TRIM66: variants seen among roughly 807,000 people sequenced by gnomAD.
The protein encoded by TRIM66 is tripartite motif containing 66.
Under a neutral mutation model 148.2 loss-of-function variants are expected in TRIM66, and 99 were observed. The observed-to-expected ratio is 0.67, with a 90% CI of 0.57 to 0.79. The LOEUF is 0.79. Among genes scored for constraint, TRIM66 ranks in the 30% least tolerant of loss-of-function variants. The pLI, the probability that TRIM66 is intolerant of heterozygous loss-of-function variation, is 0.00. For synonymous variants in TRIM66, 616 were observed against 635.9 expected, an observed-to-expected ratio of 0.97 and a Z score of 0.47; for missense variants, 1,666 against 1,697.9, an observed-to-expected ratio of 0.98 and a Z score of 0.33.
chr11:8,671,283 T>C (rs1332630614), intron 6 of TRIM66, among the ~76,000 whole-genome samples: 1 of 152,226 alleles, frequency 6.6e-6, no homozygotes, highest in Non-Finnish European at 1.5e-5. Flanking sequence ...CCGGTTCCCG[T>C]CTCCAGTGAC....
intron 14 of TRIM66, among the ~76,000 whole-genome samples, chr11:8,639,190 T>A (rs764492212): frequency 1.3e-5 from 2 of 152,210 alleles, no homozygotes; most frequent in Non-Finnish European, 2.9e-5. Flanking sequence ...GGGGAAGACA[T>A]TGAAGCATGA....
chr11:8,636,540 A>T (rs2035896444), intron 15 of TRIM66, among the ~76,000 whole-genome samples: 1 of 152,016 alleles, frequency 6.6e-6, no homozygotes, highest in East Asian at 1.9e-4. Flanking sequence ...CAGTGGGTCA[A>T]GACAGATCCA....
At chr11:8,622,744 G>T in intron 18 of TRIM66, 72 bp downstream of exon 18, 1 of 1,372,186 alleles carries the variant, frequency 7.3e-7, no homozygotes, top group Non-Finnish European at 1.0e-6. Context: ...CATCAAGGAT[G>T]CTTCATCCCT....
chr11:8,612,270 C>G lies in TRIM66; in HGVS notation c.*5674G>C, dbSNP rs1565454900. ...AGCACCAGCTGATAAGAACTTTCCC[C>G]AAAGCAGCTCTGTTTGGCTTGTGAG... On this transcript the variant is annotated 3_prime_UTR_variant, in exon 25 of 25. Coordinates refer to ENST00000646038, the MANE Select transcript of TRIM66 (RefSeq NM_001388022.1). 6.6e-6 allele frequency: 1 copy of G among 152,214 alleles called. No homozygotes were observed. Among genetic ancestry groups the G allele is most frequent in the Non-Finnish European group, 1.5e-5 (1 of 68,098 alleles). 9.4% of individuals were successfully genotyped at this position (152,214 alleles called of 1,614,324 possible).
intron 12 of TRIM66, among the ~76,000 whole-genome samples, chr11:8,643,353 T>A (rs78181507): frequency 1.3e-5 from 2 of 148,602 alleles, no homozygotes; most frequent in Non-Finnish European, 3.0e-5. Context: ...TTTTTTTTTT[T>A]AATTGAGACG....
rs770091818 is a variant in TRIM66, at chr11:8,671,921, A to G, written c.205T>C (p.Ser69Pro). 10 of 1,536,042 alleles carry G rather than the reference A, an allele frequency of 6.5e-6. No individual in the cohort carries two copies. In the South Asian group the frequency reaches 1.2e-4, roughly 18 times the overall value. Residue 69 changes from serine (S) to proline (P), a missense_variant, in exon 6 of 25, where the codon TCA becomes CCA. Physicochemically the swap from Ser to Pro is moderately conservative, Grantham distance 74 (BLOSUM62 -1). Coordinates refer to ENST00000646038, the MANE Select transcript of TRIM66 (RefSeq NM_001388022.1). ...CCTGGCAGGTCCTGATGGCACAATG[A>G]GCAGGTCATTACCATGGCCTCCATC... ...GQMEAMVMTC[S>P]LCHQDLPGMG...
At chr11:8,633,803 C>T (rs550859078) in intron 15 of TRIM66, among the ~76,000 whole-genome samples, 1 of 152,268 alleles carries the variant, frequency 6.6e-6, no homozygotes, top group African/African-American at 2.4e-5. Context: ...CATTGTCCAG[C>T]TTTGGGTTTT....
At chr11:8,656,018 T>C (rs1313781894) in intron 6 of TRIM66, among the ~76,000 whole-genome samples, 2 of 152,176 alleles carry the variant, frequency 1.3e-5, no homozygotes, top group Admixed American at 1.3e-4. Flanking sequence ...CCAGGGAGGC[T>C]GCGGGCCCCA....
chr11:8,622,651 C>T lies in TRIM66; in HGVS notation c.3080+165G>A, dbSNP rs552010258. ...TGGTGCAGGAGCCAGGACATCCTCC[C>T]ACAACCATCCCAGACATCCACTTGA... is the stretch of plus-strand genomic sequence containing the variant. On this transcript the variant is annotated intron_variant, in intron 18 of 24. Coordinates refer to ENST00000646038, the MANE Select transcript of TRIM66 (RefSeq NM_001388022.1). 6.6e-5 allele frequency among the ~76,000 whole-genome samples: 10 copies of T among 152,106 alleles called. No individual in the cohort carries two copies. In the South Asian group the frequency reaches 2.1e-3, roughly 32 times the overall value.
At chr11:8,667,867 A>G (rs889121597) in intron 6 of TRIM66, among the ~76,000 whole-genome samples, 5 of 152,228 alleles carry the variant, frequency 3.3e-5, no homozygotes, top group African/African-American at 1.2e-4. Flanking sequence ...TAATGCTGCT[A>G]GAAACATGGG....
chr11:8,647,322 C>G (rs1157768592), intron 10 of TRIM66, among the ~76,000 whole-genome samples: 3 of 152,124 alleles, frequency 2.0e-5, no homozygotes, highest in Non-Finnish European at 4.4e-5. Context: ...ATTGAAGTCA[C>G]CACAGACCTA....
intron 3 of TRIM66, among the ~76,000 whole-genome samples, chr11:8,675,202 A>G (rs1052604553): frequency 3.3e-5 from 5 of 152,230 alleles, no homozygotes; most frequent in Non-Finnish European, 7.3e-5. Flanking sequence ...ATCACCTCGA[A>G]TCTCATCAGA....
intron 4 of TRIM66, among the ~76,000 whole-genome samples, chr11:8,674,574 AC>A (rs574229536): frequency 3.4e-4 from 52 of 152,108 alleles, no homozygotes; most frequent in African/African-American, 1.2e-3. Flanking sequence ...TTTTGTAGAG[AC>A]CAGGTCTTGC....
intron 6 of TRIM66, among the ~76,000 whole-genome samples, chr11:8,652,800 G>A (rs540580989): frequency 2.0e-5 from 3 of 152,296 alleles, no homozygotes; most frequent in South Asian, 2.1e-4. Flanking sequence ...CAGCAGTACC[G>A]CTACAATCTC....
chr11:8,633,656 G>A (rs779388650), intron 15 of TRIM66, among the ~76,000 whole-genome samples: 1 of 152,228 alleles, frequency 6.6e-6, no homozygotes, highest in East Asian at 1.9e-4. Flanking sequence ...CTGCTGTCAG[G>A]GCTAGGCTAT....
chr11:8,665,685 C>A (rs140368212), intron 6 of TRIM66, among the ~76,000 whole-genome samples: 23 of 152,248 alleles, frequency 1.5e-4, no homozygotes, highest in Non-Finnish European at 2.6e-4. Flanking sequence ...AAGCCAGGCA[C>A]GGTGGCTCAT....
intron 1 of TRIM66, among the ~76,000 whole-genome samples, chr11:8,681,646 C>T (rs1237800663): frequency 7.5e-6 from 1 of 133,746 alleles, no homozygotes; most frequent in Non-Finnish European, 1.8e-5. Flanking sequence ...AGAGCGAAGA[C>T]ATGCTGCTAT....
At position 8,625,014 on chromosome 11, in the gene TRIM66, G is replaced by T. The variant is rs1469187467; in HGVS notation, c.2525C>A (p.Thr842Asn). The T allele has an allele frequency of 1.9e-6, 3 of 1,551,568 alleles. No homozygotes were observed. The African/African-American group carries it at 4.1e-5, about 21-fold the overall frequency. The change falls in exon 16 of 25, where the codon ACC becomes AAC. Residue 842 changes from threonine to asparagine, a missense_variant. Around this residue, in one of 3 missense-constraint regions of TRIM66, gnomAD observed 1,431 missense variants for 1,412.4 expected, o/e 1.01. Transcript: ENST00000646038. ...VQNQAMPSLT[T>N]SHLQTVPSLV... is the part of the protein sequence containing the mutation. ...GCTGGGCACAGTCTGTAGGTGACTGGTTGTCAGGCTGGGCATGGCCTGGTT... is the reference window on the plus strand; with the variant it reads ...GCTGGGCACAGTCTGTAGGTGACTGTTTGTCAGGCTGGGCATGGCCTGGTT...
intron 6 of TRIM66, among the ~76,000 whole-genome samples, chr11:8,671,052 C>T (rs2038903861): frequency 6.6e-6 from 1 of 152,182 alleles, no homozygotes; most frequent in East Asian, 1.9e-4. Context: ...ACTTTGAAGT[C>T]CCCATTTTTA....
Sources: gnomAD v4.1 joint callset for allele counts (sites outside exome capture counted in the v4.1 genomes callset) on GRCh38, gnomAD v4.1.1 for gene constraint, gnomAD v4.1.1 regional missense constraint, MANE v1.5 for transcripts, NCBI Gene and HGNC (gene_info 2026-07-23, HGNC 2026-07-21) for gene names.